NAV3: variants seen among roughly 807,000 people sequenced by gnomAD.
The protein encoded by NAV3 is neuron navigator 3, also known as pore membrane and/or filament interacting like protein 1.
A neutral mutation model predicts 244.7 loss-of-function variants in NAV3; 87 were observed. The observed-to-expected ratio is 0.36, with a 90% confidence interval of 0.30 to 0.42. The LOEUF (loss-of-function observed/expected upper bound fraction) is 0.42, where lower values mean the gene tolerates loss of function less well. NAV3 is among the 20% of genes least tolerant of loss of function. The pLI is 1.00. For missense variants in NAV3, 2,663 were observed against 2,893.3 expected (o/e 0.92, Z 1.83); for synonymous variants, 1,126 against 1,042.2 (o/e 1.08, Z -1.55).
At chr12:78,003,785 G>A (rs940213639) in intron 7 of NAV3, among the ~76,000 whole-genome samples, 1 of 152,216 alleles carries the variant, frequency 6.6e-6, no homozygotes, top group Non-Finnish European at 1.5e-5. Context: ...CTAGACATTA[G>A]TTCTGTGAAT....
At chr12:78,168,898 A>G (rs752349948) in intron 24 of NAV3, 32 bp downstream of exon 24, 6 of 1,427,860 alleles carry the variant, frequency 4.2e-6, no homozygotes, top group Non-Finnish European at 5.8e-6. Flanking sequence ...TTTCCACCCA[A>G]TATAATAGAC....
At position 78,072,368 on chromosome 12, in the gene NAV3, C is replaced by G. The variant is rs1347443059; in HGVS notation, c.2636+13253C>G. 2.6e-5 allele frequency among the ~76,000 whole-genome samples: 3 copies of G among 116,074 alleles called. No homozygotes were observed. The East Asian group carries it at 7.4e-4, about 29-fold the overall frequency. The allele number at this position is 116,074 out of a possible 152,430, so 76.1% of individuals were successfully genotyped here. A position where few individuals can be genotyped will look rare whatever the true frequency, so the allele number is the denominator to read the frequency against. On this transcript the variant is annotated intron_variant, in intron 12 of 39. Transcript: ENST00000397909. ...ATAAAGGGGATATCACCACCGATCC[C>G]ACAGAAATACAAACTACCATCAGAG... is the stretch of plus-strand genomic sequence containing the variant.
At chr12:77,777,411 G>T (rs74682666) in intron 2 of NAV3, among the ~76,000 whole-genome samples, 2,057 of 152,266 alleles carry the variant, frequency 0.014, 55 homozygotes, top group African/African-American at 0.047. Context: ...AGTAGGCATT[G>T]TGACATGTTA....
At chr12:77,703,700 G>T (rs1875664457) in intron 2 of NAV3, among the ~76,000 whole-genome samples, 1 of 152,070 alleles carries the variant, frequency 6.6e-6, no homozygotes, top group African/African-American at 2.4e-5. Flanking sequence ...GGCCATATGT[G>T]CACACCTTGG....
At chr12:78,134,760 A>G (rs769952573) in intron 18 of NAV3, among the ~76,000 whole-genome samples, 3 of 152,164 alleles carry the variant, frequency 2.0e-5, no homozygotes, top group Non-Finnish European at 4.4e-5. Context: ...TCTCACAATA[A>G]TAGTATTTAA....
chr12:78,133,351 T>A (rs1388103333), intron 18 of NAV3, among the ~76,000 whole-genome samples: 1 of 151,740 alleles, frequency 6.6e-6, no homozygotes, highest in Non-Finnish European at 1.5e-5. Context: ...AAATGAGTAC[T>A]CTTAAAATGC....
Position 78,099,230 on chromosome 12 carries a change from A to G in NAV3, c.2637-17542A>G, listed in dbSNP as rs901616711. On this transcript the variant is annotated intron_variant, in intron 12 of 39. Transcript: ENST00000397909. ...AAATATAAATTGTTGAATATATAAT[A>G]GTCCATATGATATAATTATATCATT... Among the ~76,000 whole-genome samples, 10 of 151,686 alleles carry G rather than the reference A, an allele frequency of 6.6e-5. No individual in the cohort carries two copies. The East Asian group carries it at 1.7e-3, about 26-fold the overall frequency.
intron 9 of NAV3, among the ~76,000 whole-genome samples, chr12:78,026,641 T>C (rs2136899459): frequency 6.6e-6 from 1 of 152,296 alleles, no homozygotes; most frequent in Non-Finnish European, 1.5e-5. Context: ...AAAATTTAGA[T>C]GACACAATAT....
rs201154467 is a variant in NAV3, at chr12:78,116,757, A to C, written c.2637-15A>C. 6.4e-7 allele frequency: 1 copy of C among 1,571,828 alleles called. No individual in the cohort carries two copies. The highest frequency in any genetic ancestry group is 2.3e-5 in the East Asian group (1 of 43,702). The stretch of plus-strand genomic sequence containing the variant: ...CCTGTGTTTGATTCACTGCTCTTGC[A>C]TGTCTTGCCTTTAGCTGGGATGACA... On this transcript the variant is annotated splice_polypyrimidine_tract_variant and intron_variant, in intron 12 of 39. Transcript: ENST00000397909.
At chr12:77,852,494 G>A (rs544763961) in intron 1 of NAV3, among the ~76,000 whole-genome samples, 9 of 152,092 alleles carry the variant, frequency 5.9e-5, no homozygotes, top group African/African-American at 1.2e-4. Context: ...AGCTGAGATC[G>A]CACCACTGCA....
intron 1 of NAV3, among the ~76,000 whole-genome samples, chr12:77,922,961 T>A (rs931329821): frequency 6.6e-6 from 1 of 152,054 alleles, no homozygotes; most frequent in Non-Finnish European, 1.5e-5. Flanking sequence ...TACGTACATC[T>A]TAAGATGGTT....
chr12:77,759,502 T>C (rs1382206994), intron 2 of NAV3, among the ~76,000 whole-genome samples: 1 of 152,212 alleles, frequency 6.6e-6, no homozygotes, highest in Non-Finnish European at 1.5e-5. Context: ...AATGAAACTA[T>C]GTTAATTGAA....
intron 2 of NAV3, among the ~76,000 whole-genome samples, chr12:77,797,892 G>A (rs186414051): frequency 3.3e-5 from 5 of 151,028 alleles, no homozygotes; most frequent in Admixed American, 6.6e-5. Context: ...TGTTTTACCC[G>A]GTACAGTGGC....
intron 2 of NAV3, among the ~76,000 whole-genome samples, chr12:77,655,959 A>C (rs140865717): frequency 7.0e-6 from 1 of 142,728 alleles, no homozygotes; most frequent in Non-Finnish European, 1.5e-5. Context: ...TGAAGGAAGC[A>C]CTGAACATGG....
At chr12:77,617,590 A>G (rs1383338434) in intron 2 of NAV3, among the ~76,000 whole-genome samples, 1 of 152,202 alleles carries the variant, frequency 6.6e-6, no homozygotes. Flanking sequence ...GAAGCAGTCT[A>G]ATGATTTCAG....
chr12:77,875,415 G>A (rs1456964632), intron 1 of NAV3, among the ~76,000 whole-genome samples: 1 of 151,858 alleles, frequency 6.6e-6, no homozygotes, highest in Non-Finnish European at 1.5e-5. Context: ...TTGCTTCAAT[G>A]TTCTTTATTG....
chr12:77,755,390 T>C (rs1565800103), intron 2 of NAV3, among the ~76,000 whole-genome samples: 1 of 152,204 alleles, frequency 6.6e-6, no homozygotes, highest in African/African-American at 2.4e-5. Flanking sequence ...AACTGTGTGC[T>C]GGGGATACCA....
At position 77,831,169 on chromosome 12, in the gene NAV3, CAG is replaced by C. The variant is rs71088341; in HGVS notation, c.-269_-268del. 9.8e-3 allele frequency: 1,402 copies of C among 143,368 alleles called. 2 individuals carry two copies. Among genetic ancestry groups the C allele is most frequent in the Middle Eastern group, 0.038 (13 of 340 alleles). 8.9% of individuals were successfully genotyped at this position (143,368 alleles called of 1,614,324 possible). ...CACTGAACAGAGAGAGAGAGAGAGA[CAG>C]AGAGAGAGAGAGAGAGAGAGAGACA... On this transcript the variant is annotated 5_prime_UTR_variant, in exon 1 of 40. Coordinates refer to ENST00000397909, the MANE Select transcript of NAV3 (RefSeq NM_001024383.2).
intron 2 of NAV3, among the ~76,000 whole-genome samples, chr12:77,760,301 G>A (rs1322486756): frequency 6.6e-6 from 1 of 152,152 alleles, no homozygotes; most frequent in Non-Finnish European, 1.5e-5. Context: ...TCTTGGCCTT[G>A]GTACCACTGT....
Sources: gnomAD v4.1 joint callset for allele counts (sites outside exome capture counted in the v4.1 genomes callset) on GRCh38, gnomAD v4.1.1 for gene constraint, MANE v1.5 for transcripts, NCBI Gene and HGNC (gene_info 2026-07-23, HGNC 2026-07-21) for gene names.